OPCML: variants seen among roughly 807,000 people sequenced by gnomAD.
The protein encoded by OPCML is opioid binding protein/cell adhesion molecule like, also known as opioid-binding protein/cell adhesion molecule.
OPCML carries 13 observed loss-of-function variants against 37.8 expected under a neutral mutation model. The observed-to-expected ratio is 0.34, with a 90% CI of 0.22 to 0.55. The LOEUF (loss-of-function observed/expected upper bound fraction) is 0.55, where lower values mean the gene tolerates loss of function less well. Ranked by LOEUF, OPCML falls within the 20% of genes least tolerant of loss-of-function variation. OPCML has a pLI of 0.91. For missense variants in OPCML, 341 were observed against 435.6 expected, an observed-to-expected ratio of 0.78 and a Z score of 1.93; for synonymous variants, 176 against 168.8, an observed-to-expected ratio of 1.04 and a Z score of -0.33.
chr11:132,569,092 G>T (rs1416980938), intron 3 of OPCML, among the ~76,000 whole-genome samples: 1 of 152,158 alleles, frequency 6.6e-6, no homozygotes, highest in Non-Finnish European at 1.5e-5. Context: ...CCTGCGGTCG[G>T]GGCTGACTAT....
chr11:132,761,673 T>A (rs146412052), intron 2 of OPCML, among the ~76,000 whole-genome samples: 4 of 152,254 alleles, frequency 2.6e-5, no homozygotes, highest in South Asian at 2.1e-4. Context: ...ATTTATCTTC[T>A]TCTCTTAACT....
rs184933847 is a variant in OPCML, at chr11:133,264,382, A to C, written c.61+267882T>G. 7.2e-5 allele frequency among the ~76,000 whole-genome samples: 11 copies of C among 152,308 alleles called. No homozygotes were observed. The East Asian group carries it at 2.1e-3, about 29-fold the overall frequency. ...CTGATGAAGCTGACAAATACAATCA[A>C]AGCCTTTCTCAGTGAATTCTCAAGA... On this transcript the variant is annotated intron_variant, in intron 1 of 7. Transcript: ENST00000524381.
intron 3 of OPCML, among the ~76,000 whole-genome samples, chr11:132,595,525 C>G (rs962198350): frequency 2.0e-5 from 3 of 152,108 alleles, no homozygotes; most frequent in Non-Finnish European, 4.4e-5. Context: ...AGTCTGAAAC[C>G]TATTTCAGCC....
At chr11:133,345,086 C>G (rs1440872608) in intron 1 of OPCML, among the ~76,000 whole-genome samples, 1 of 152,088 alleles carries the variant, frequency 6.6e-6, no homozygotes, top group Non-Finnish European at 1.5e-5. Flanking sequence ...TATACACCAG[C>G]CCCCCTATAT....
chr11:133,300,463 C>G lies in OPCML; in HGVS notation c.61+231801G>C, dbSNP rs955968428. The stretch of plus-strand genomic sequence containing the variant: ...TCCTCTGTATTTTTCCAAATTCTGC[C>G]TATTCTTTCAAGGTAAGGGTGCCTC... On this transcript the variant is annotated intron_variant, in intron 1 of 7. Transcript: ENST00000524381. The G allele has an allele frequency of 7.4e-4, 112 of 152,176 alleles. 2 individuals are homozygous for G. The highest frequency in any genetic ancestry group is 1.3e-4 in the Non-Finnish European group (9 of 68,094). The allele number at this position is 152,176 out of a possible 1,614,324, so 9.4% of individuals were successfully genotyped here.
intron 1 of OPCML, among the ~76,000 whole-genome samples, chr11:133,255,432 G>GA (rs1376018601): frequency 4.6e-5 from 7 of 150,624 alleles, no homozygotes; most frequent in South Asian, 2.1e-4. Flanking sequence ...CCTGAGATTG[G>GA]AAAAAAAAAT....
At chr11:132,630,110 A>G (rs1367487278) in intron 3 of OPCML, among the ~76,000 whole-genome samples, 1 of 152,240 alleles carries the variant, frequency 6.6e-6, no homozygotes, top group Non-Finnish European at 1.5e-5. Flanking sequence ...AATCCACAAT[A>G]TGTATCTCAG....
rs191807275 is a variant in OPCML at position 133,272,533 on chromosome 11, C to T, written c.61+259731G>A. 2.8e-3 allele frequency among the ~76,000 whole-genome samples: 428 copies of T among 152,292 alleles called. 2 individuals carry two copies. The highest frequency in any genetic ancestry group is 9.6e-3 in the African/African-American group (398 of 41,572). On this transcript the variant is annotated intron_variant, in intron 1 of 7. Transcript: ENST00000524381. ...TTCTATCTCTGAGCAGGCCTGAACC[C>T]TGTGTCCCTTCTGGCCACGTGAAAG...
intron 4 of OPCML, among the ~76,000 whole-genome samples, chr11:132,481,422 G>C (rs1308354304): frequency 1.3e-5 from 2 of 151,104 alleles, no homozygotes; most frequent in African/African-American, 4.9e-5. Flanking sequence ...CATAAAGCAA[G>C]TCCTGAGTGA....
At chr11:133,091,877 G>A (rs1452318434) in intron 1 of OPCML, among the ~76,000 whole-genome samples, 6 of 152,104 alleles carry the variant, frequency 3.9e-5, no homozygotes, top group Non-Finnish European at 7.3e-5. Flanking sequence ...GACTTTTGGG[G>A]CTATTGAGAT....
chr11:133,011,258 T>C (rs1468487907), intron 1 of OPCML, among the ~76,000 whole-genome samples: 1 of 152,174 alleles, frequency 6.6e-6, no homozygotes, highest in Non-Finnish European at 1.5e-5. Flanking sequence ...TTGAGAGCAG[T>C]ACATACAGAG....
At chr11:132,476,456 A>G (rs1181003609) in intron 4 of OPCML, among the ~76,000 whole-genome samples, 1 of 152,156 alleles carries the variant, frequency 6.6e-6, no homozygotes, top group Non-Finnish European at 1.5e-5. Flanking sequence ...TCCAACAATG[A>G]TAGACTGGAT....
chr11:132,968,446 T>G (rs774161327), intron 1 of OPCML, among the ~76,000 whole-genome samples: 3 of 152,208 alleles, frequency 2.0e-5, no homozygotes, highest in Non-Finnish European at 4.4e-5. Flanking sequence ...CGCTTGGATC[T>G]CTCTTCCTCC....
chr11:132,528,274 C>T (rs1257412513), intron 4 of OPCML, among the ~76,000 whole-genome samples: 1 of 150,574 alleles, frequency 6.6e-6, no homozygotes, highest in African/African-American at 2.5e-5. Flanking sequence ...AGCCATATTC[C>T]ATACATTTTT....
intron 1 of OPCML, among the ~76,000 whole-genome samples, chr11:133,137,281 C>A (rs1012376376): frequency 1.3e-5 from 2 of 152,166 alleles, no homozygotes; most frequent in Non-Finnish European, 2.9e-5. Flanking sequence ...GGTGAATGAT[C>A]TTTGGAGATT....
intron 4 of OPCML, among the ~76,000 whole-genome samples, chr11:132,487,456 T>C (rs925041453): frequency 1.3e-5 from 2 of 152,228 alleles, no homozygotes; most frequent in Non-Finnish European, 2.9e-5. Context: ...AAGCATTTAT[T>C]GGGAGCAAAT....
intron 1 of OPCML, among the ~76,000 whole-genome samples, chr11:133,467,857 C>A (rs1356685424): frequency 1.3e-5 from 2 of 152,144 alleles, no homozygotes; most frequent in African/African-American, 2.4e-5. Context: ...GCTGTTGGGA[C>A]CTTGGAAAGC....
chr11:133,014,112 C>T (rs756811508), intron 1 of OPCML, among the ~76,000 whole-genome samples: 1 of 152,302 alleles, frequency 6.6e-6, no homozygotes, highest in East Asian at 1.9e-4. Flanking sequence ...TACTAACTGG[C>T]CTTTATCTGC....
chr11:132,823,768 C>G (rs1940133708), intron 2 of OPCML, among the ~76,000 whole-genome samples: 1 of 152,166 alleles, frequency 6.6e-6, no homozygotes, highest in Non-Finnish European at 1.5e-5. Context: ...ATCCCTTCAT[C>G]TCTGCCTCTC....
Sources: allele counts gnomAD v4.1 joint callset (sites outside exome capture counted in the v4.1 genomes callset), GRCh38; gene constraint gnomAD v4.1.1; transcripts MANE v1.5; gene names NCBI Gene and HGNC (gene_info 2026-07-23, HGNC 2026-07-21).